The following SLC25A26 variants were observed in gnomAD, a reference collection of about 807,000 sequenced individuals.
SLC25A26 encodes the protein mitochondrial S-adenosylmethionine carrier protein.
SLC25A26 carries 36 observed loss-of-function variants against 37.8 expected under a neutral mutation model. The observed-to-expected ratio is 0.95, with a 90% confidence interval of 0.73 to 1.26. The LOEUF is 1.26. Ranked by LOEUF, SLC25A26 falls within the 50% of genes most tolerant of loss-of-function variation. The probability of loss-of-function intolerance (pLI) is 0.00; values close to 1 mark genes in which losing one functional copy is unlikely to be tolerated. For synonymous variants in SLC25A26, 129 were observed against 122.5 expected (o/e 1.05, Z -0.35); for missense variants, 390 against 331.1 (o/e 1.18, Z -1.38).
chr3:66,332,357 C>T (rs1013058207), intron 5 of SLC25A26, among the ~76,000 whole-genome samples: 21 of 152,156 alleles, frequency 1.4e-4, no homozygotes, highest in African/African-American at 3.9e-4. Flanking sequence ...AATACTTTGC[C>T]GTACATCTGT....
chr3:66,263,962 G>A (rs565641998), intron 5 of SLC25A26, among the ~76,000 whole-genome samples: 21 of 150,786 alleles, frequency 1.4e-4, no homozygotes, highest in Non-Finnish European at 2.4e-4. Flanking sequence ...CCGGCCTCCC[G>A]GCCTCTTATA....
intron 1 of SLC25A26, among the ~76,000 whole-genome samples, chr3:66,183,133 C>T (rs1420940402): frequency 6.6e-6 from 1 of 152,016 alleles, no homozygotes; most frequent in East Asian, 1.9e-4. Flanking sequence ...CTCTGACCCA[C>T]ACCCTGACCT....
At chr3:66,208,542 G>A (rs994440492) in intron 1 of SLC25A26, among the ~76,000 whole-genome samples, 7 of 150,968 alleles carry the variant, frequency 4.6e-5, no homozygotes, top group African/African-American at 1.2e-4. Context: ...CCACTTTTCC[G>A]GGACCCTCCC....
At chr3:66,245,323 C>G (rs1171326399) in intron 3 of SLC25A26, among the ~76,000 whole-genome samples, 1 of 151,336 alleles carries the variant, frequency 6.6e-6, no homozygotes, top group Non-Finnish European at 1.5e-5. Context: ...AAAGTTTCTT[C>G]ATTCCCCTCA....
chr3:66,135,631 G>A (rs2069935228), intron 1 of SLC25A26, among the ~76,000 whole-genome samples: 1 of 152,130 alleles, frequency 6.6e-6, no homozygotes, highest in African/African-American at 2.4e-5. Flanking sequence ...GGTGGGCATG[G>A]TGGCATGTAC....
At chr3:66,190,465 G>A (rs961613631) in intron 1 of SLC25A26, among the ~76,000 whole-genome samples, 2 of 152,136 alleles carry the variant, frequency 1.3e-5, no homozygotes, top group Non-Finnish European at 2.9e-5. Context: ...GTATCACTCC[G>A]TCACCCAGGC....
At chr3:66,151,522 C>T (rs1364975359) in intron 1 of SLC25A26, among the ~76,000 whole-genome samples, 4 of 152,344 alleles carry the variant, frequency 2.6e-5, no homozygotes, top group East Asian at 3.9e-4. Flanking sequence ...ATGTGTTACA[C>T]AGCCTGACCC....
chr3:66,258,859 T>TA (rs2073409797), intron 3 of SLC25A26, among the ~76,000 whole-genome samples: 1 of 148,978 alleles, frequency 6.7e-6, no homozygotes, highest in Non-Finnish European at 1.5e-5. Flanking sequence ...TTTTTTTTTT[T>TA]AATTATTAAC....
At chr3:66,256,154 C>G (rs920015519) in intron 3 of SLC25A26, among the ~76,000 whole-genome samples, 11 of 152,066 alleles carry the variant, frequency 7.2e-5, no homozygotes, top group African/African-American at 2.7e-4. Flanking sequence ...CCTTTTCTTT[C>G]TCTTATTTTT....
intron 3 of SLC25A26, among the ~76,000 whole-genome samples, chr3:66,252,692 C>T (rs918405883): frequency 2.6e-5 from 4 of 152,070 alleles, no homozygotes; most frequent in Admixed American, 6.6e-5. Flanking sequence ...TTGCTGAATG[C>T]GGCACGTTTT....
At chr3:66,224,020 T>A (rs2071622905) in intron 1 of SLC25A26, among the ~76,000 whole-genome samples, 1 of 152,202 alleles carries the variant, frequency 6.6e-6, no homozygotes, top group Non-Finnish European at 1.5e-5. Flanking sequence ...TGGACTAGTC[T>A]GCAGCCATAA....
At chr3:66,293,766 C>G (rs2074798822) in intron 5 of SLC25A26, among the ~76,000 whole-genome samples, 1 of 152,158 alleles carries the variant, frequency 6.6e-6, no homozygotes, top group Non-Finnish European at 1.5e-5. Context: ...ATATGTACCA[C>G]ATTTCCTTTA....
chr3:66,310,657 TC>T (rs1156336858), intron 5 of SLC25A26, among the ~76,000 whole-genome samples: 6 of 152,234 alleles, frequency 3.9e-5, no homozygotes, highest in African/African-American at 1.2e-4. Flanking sequence ...ATTTAGCACT[TC>T]CTTCAGGAGC....
At chr3:66,303,761 G>A (rs1270450303) in intron 5 of SLC25A26, among the ~76,000 whole-genome samples, 1 of 152,154 alleles carries the variant, frequency 6.6e-6, no homozygotes, top group Admixed American at 6.5e-5. Context: ...TCTGAGGACC[G>A]CGTGGCTGAG....
intron 3 of SLC25A26, among the ~76,000 whole-genome samples, chr3:66,254,956 T>C (rs1220706690): frequency 6.6e-6 from 1 of 152,146 alleles, no homozygotes; most frequent in Non-Finnish European, 1.5e-5. Flanking sequence ...GAGGACAGGG[T>C]GCAGTTGTAA....
At chr3:66,281,102 C>T (rs1042509567) in intron 5 of SLC25A26, among the ~76,000 whole-genome samples, 2 of 152,082 alleles carry the variant, frequency 1.3e-5, no homozygotes, top group Non-Finnish European at 2.9e-5. Context: ...TTTGTAGAGT[C>T]CGAGATATTT....
chr3:66,352,700 A>T (rs888296927), intron 6 of SLC25A26, among the ~76,000 whole-genome samples: 1 of 151,804 alleles, frequency 6.6e-6, no homozygotes, highest in Non-Finnish European at 1.5e-5. Context: ...GGGTCTGGGG[A>T]TACAGTGATG....
intron 5 of SLC25A26, among the ~76,000 whole-genome samples, chr3:66,339,897 CCTTG>C (rs1257488930): frequency 2.0e-5 from 3 of 151,902 alleles, no homozygotes; most frequent in Non-Finnish European, 4.4e-5. Flanking sequence ...GCTTTTGTTG[CCTTG>C]CTTTTTGTGT....
intron 3 of SLC25A26, among the ~76,000 whole-genome samples, chr3:66,256,379 CTTTTA>C (rs1003945503): frequency 2.2e-4 from 34 of 152,000 alleles, no homozygotes; most frequent in African/African-American, 8.0e-4. Context: ...TAAATTAGCC[CTTTTA>C]TTTTATTTTT....
Sources: gnomAD v4.1 joint callset for allele counts (sites outside exome capture counted in the v4.1 genomes callset) on GRCh38, gnomAD v4.1.1 for gene constraint, MANE v1.5 for transcripts, NCBI Gene and HGNC (gene_info 2026-07-23, HGNC 2026-07-21) for gene names.